The following MALRD1 variants were observed in gnomAD, a reference collection of about 807,000 sequenced individuals.
MALRD1 encodes the protein MAM and LDL-receptor class A domain-containing protein 1.
Under a neutral mutation model 242.1 loss-of-function variants are expected in MALRD1, and 247 were observed. That is an observed-to-expected ratio of 1.02 (90% CI 0.92 to 1.13). The LOEUF (loss-of-function observed/expected upper bound fraction) is 1.13, where lower values mean the gene tolerates loss of function less well. Among genes scored for constraint, MALRD1 ranks in the 50% most tolerant of loss-of-function variants. The pLI is 0.00. For synonymous variants in MALRD1, 995 were observed against 866.6 expected (o/e 1.15, Z -2.60); for missense variants, 2,989 against 2,533.1 (o/e 1.18, Z -3.86).
At chr10:19,587,098 A>C (rs11812681) in intron 33 of MALRD1, among the ~76,000 whole-genome samples, 2 of 152,194 alleles carry the variant, frequency 1.3e-5, no homozygotes, top group Admixed American at 6.5e-5. Context: ...CGCACGGTGC[A>C]TGCACCCACT....
chr10:19,231,667 C>T (rs1838081942), intron 18 of MALRD1, among the ~76,000 whole-genome samples: 1 of 152,034 alleles, frequency 6.6e-6, no homozygotes, highest in South Asian at 2.1e-4. Context: ...TTCTTTTTTG[C>T]CTTCTGCCGT....
At chr10:19,218,817 A>G (rs1217469660) in intron 18 of MALRD1, among the ~76,000 whole-genome samples, 1 of 152,146 alleles carries the variant, frequency 6.6e-6, no homozygotes, top group Non-Finnish European at 1.5e-5. Context: ...CACATATTAA[A>G]TAAGAAACAA....
chr10:19,675,886 A>G (rs1430777599), intron 36 of MALRD1, among the ~76,000 whole-genome samples: 2 of 152,212 alleles, frequency 1.3e-5, no homozygotes, highest in Non-Finnish European at 2.9e-5. Context: ...CTGTCATAAG[A>G]GTTTGCTGGG....
intron 31 of MALRD1, among the ~76,000 whole-genome samples, chr10:19,516,437 A>T (rs1403217893): frequency 6.6e-6 from 1 of 152,188 alleles, no homozygotes; most frequent in Non-Finnish European, 1.5e-5. Flanking sequence ...TTATTTGAAA[A>T]TTTAAACCGT....
intron 18 of MALRD1, among the ~76,000 whole-genome samples, chr10:19,247,244 A>C (rs1235782369): frequency 6.6e-6 from 1 of 152,098 alleles, no homozygotes; most frequent in East Asian, 1.9e-4. Flanking sequence ...AAGAAATACA[A>C]AAACAAAAAG....
chr10:19,562,916 C>T (rs1366236600), intron 32 of MALRD1, among the ~76,000 whole-genome samples: 1 of 152,172 alleles, frequency 6.6e-6, no homozygotes, highest in Non-Finnish European at 1.5e-5. Flanking sequence ...CTTCCCCTGG[C>T]ACCCCATCCG....
At chr10:19,327,131 G>T (rs1006485170) in intron 22 of MALRD1, among the ~76,000 whole-genome samples, 13 of 152,056 alleles carry the variant, frequency 8.5e-5, no homozygotes, top group Admixed American at 8.5e-4. Context: ...AGCTGACATT[G>T]TAACATTACT....
chr10:19,544,152 TC>T (rs1220356075), intron 32 of MALRD1, among the ~76,000 whole-genome samples: 1 of 152,046 alleles, frequency 6.6e-6, no homozygotes, highest in Non-Finnish European at 1.5e-5. Flanking sequence ...TTTTTATTTT[TC>T]CCCTCTACTT....
rs1235889383 is a variant in MALRD1, at chr10:19,103,959, G to C, written c.598-20G>C. The C allele has an allele frequency of 1.6e-6, 2 of 1,224,024 alleles. No individual in the cohort carries two copies. The highest frequency in any genetic ancestry group is 3.1e-5 in the African/African-American group (2 of 64,246). 75.8% of individuals were successfully genotyped at this position (1,224,024 alleles called of 1,614,324 possible). On this transcript the variant is annotated intron_variant, in intron 4 of 39. Transcript: ENST00000454679. ...TTGCTTTATGTTTTTGTTTTGTTTT[G>C]TTTTGTTTTTCTGGTGCAGGTTGTT...
intron 5 of MALRD1, 150 bp from the exon 6 acceptor site, chr10:19,123,342 A>G: frequency 2.6e-6 from 1 of 389,460 alleles, no homozygotes; most frequent in East Asian, 3.6e-5. Flanking sequence ...AGAGAGAGAA[A>G]GAGATAGGGT....
At chr10:19,093,912 G>C (rs1835917242) in intron 4 of MALRD1, among the ~76,000 whole-genome samples, 1 of 99,796 alleles carries the variant, frequency 1.0e-5, no homozygotes, top group South Asian at 3.4e-4. Flanking sequence ...TCGGGGGTCA[G>C]GGGTCAGGGA....
At chr10:19,437,512 A>AT (rs757859561) in intron 28 of MALRD1, among the ~76,000 whole-genome samples, 37 of 151,248 alleles carry the variant, frequency 2.4e-4, no homozygotes, top group Non-Finnish European at 3.1e-4. Flanking sequence ...TATTATTATT[A>AT]TTATTTTTTG....
At chr10:19,528,014 G>T (rs1208638787) in intron 31 of MALRD1, among the ~76,000 whole-genome samples, 1 of 152,130 alleles carries the variant, frequency 6.6e-6, no homozygotes, top group East Asian at 1.9e-4. Flanking sequence ...TAGGTATATT[G>T]GCTTTGCATT....
chr10:19,048,796 T>G, upstream of MALRD1: 1 of 531,030 alleles, frequency 1.9e-6, no homozygotes, highest in Non-Finnish European at 2.9e-6. Flanking sequence ...GGGGAGTAAT[T>G]TGTTAGAGTT....
intron 12 of MALRD1, among the ~76,000 whole-genome samples, chr10:19,161,694 A>G (rs1834425798): frequency 2.0e-5 from 3 of 152,162 alleles, no homozygotes; most frequent in Admixed American, 6.5e-5. Flanking sequence ...TCCCTATGTT[A>G]AGTATAGTAG....
intron 32 of MALRD1, among the ~76,000 whole-genome samples, chr10:19,545,563 T>A: frequency 6.6e-6 from 1 of 152,182 alleles, no homozygotes; most frequent in East Asian, 1.9e-4. Context: ...GTCTGTCTGA[T>A]TATTTCTCCT....
intron 21 of MALRD1, among the ~76,000 whole-genome samples, chr10:19,312,934 G>A (rs921353652): frequency 3.3e-5 from 5 of 151,362 alleles, no homozygotes; most frequent in African/African-American, 9.7e-5. Context: ...TTGTAAAAAC[G>A]GAACATCTTC....
chr10:19,115,558 G>T (rs1836842186), intron 5 of MALRD1, among the ~76,000 whole-genome samples: 1 of 151,998 alleles, frequency 6.6e-6, no homozygotes, highest in South Asian at 2.1e-4. Context: ...ATTCTGAGAT[G>T]AGGAAGTTTA....
chr10:19,191,697 G>A (rs1472757818), intron 14 of MALRD1, among the ~76,000 whole-genome samples: 2 of 152,090 alleles, frequency 1.3e-5, no homozygotes, highest in Non-Finnish European at 2.9e-5. Context: ...ACTACAAAGT[G>A]AATAAAACTT....
Sources: allele counts gnomAD v4.1 joint callset (sites outside exome capture counted in the v4.1 genomes callset), GRCh38; gene constraint gnomAD v4.1.1; transcripts MANE v1.5; gene names NCBI Gene and HGNC (gene_info 2026-07-23, HGNC 2026-07-21).